Variants in SYNE1 observed in about 807,000 individuals in gnomAD.
The protein encoded by SYNE1 is nesprin-1.
A neutral mutation model predicts 1,111.0 loss-of-function variants in SYNE1; 616 were observed. The observed-to-expected ratio is 0.55, with a 90% confidence interval of 0.52 to 0.59. SYNE1 has a LOEUF of 0.59. SYNE1 is among the 20% of genes least tolerant of loss of function. The pLI, the probability that SYNE1 is intolerant of heterozygous loss-of-function variation, is 0.00. For missense variants in SYNE1, 10,006 were observed against 10,417.0 expected, an observed-to-expected ratio of 0.96 and a Z score of 1.72; for synonymous variants, 3,855 against 3,825.8, an observed-to-expected ratio of 1.01 and a Z score of -0.28.
intron 72 of SYNE1, among the ~76,000 whole-genome samples, chr6:152,347,469 T>A (rs2096657527): frequency 6.6e-6 from 1 of 152,184 alleles, no homozygotes; most frequent in South Asian, 2.1e-4. Context: ...TGAAGTAACC[T>A]TTAACACTAG....
At chr6:152,307,664 G>T (rs1396369695) in intron 91 of SYNE1, among the ~76,000 whole-genome samples, 4 of 152,166 alleles carry the variant, frequency 2.6e-5, no homozygotes, top group African/African-American at 9.7e-5. Context: ...AAGTCCTAAG[G>T]TCATAATGAT....
At chr6:152,350,881 A>C in intron 70 of SYNE1, 111 bp from the exon 71 acceptor site, 4 of 1,341,484 alleles carry the variant, frequency 3.0e-6, no homozygotes, top group Non-Finnish European at 4.2e-6. Context: ...AAGATTGTTC[A>C]TATTTATGAA....
intron 96 of SYNE1, among the ~76,000 whole-genome samples, chr6:152,283,648 T>G (rs1001568928): frequency 7.9e-5 from 12 of 152,206 alleles, no homozygotes; most frequent in Admixed American, 6.5e-5. Context: ...GTGATTCTCC[T>G]GTCTCAGCCT....
At chr6:152,490,610 C>A (rs902840025) in intron 11 of SYNE1, among the ~76,000 whole-genome samples, 1 of 152,148 alleles carries the variant, frequency 6.6e-6, no homozygotes, top group Non-Finnish European at 1.5e-5. Context: ...TTCCACTACC[C>A]TCCCAAATCC....
chr6:152,239,208 C>T (rs1467693850), intron 108 of SYNE1, among the ~76,000 whole-genome samples: 7 of 152,140 alleles, frequency 4.6e-5, no homozygotes, highest in South Asian at 2.1e-4. Context: ...TGAGCCACTG[C>T]ACCTGGCCTA....
intron 42 of SYNE1, 82 bp from the exon 43 acceptor site, chr6:152,409,791 C>CTT (rs200869234): frequency 0.019 from 28,039 of 1,455,478 alleles, 342 homozygotes; most frequent in Middle Eastern, 0.03. Flanking sequence ...CTTGATGTTT[C>CTT]ACTACGTAAA....
At chr6:152,598,020 C>T (rs983776653) in intron 3 of SYNE1, among the ~76,000 whole-genome samples, 5 of 151,960 alleles carry the variant, frequency 3.3e-5, no homozygotes, top group South Asian at 2.1e-4. Context: ...TACATTTAAA[C>T]GAGGTAAGAA....
chr6:152,155,462 G>A, intron 132 of SYNE1: 1 of 310,932 alleles, frequency 3.2e-6, no homozygotes, highest in Non-Finnish European at 6.2e-6. Flanking sequence ...ATCTATGACA[G>A]CAGGACAAAT....
At chr6:152,318,294 G>A (rs186298386) in intron 85 of SYNE1, 31 bp from the exon 86 acceptor site, 8 of 1,612,886 alleles carry the variant, frequency 5.0e-6, no homozygotes, top group Non-Finnish European at 6.8e-6. Flanking sequence ...AAGAACATTA[G>A]AGTACAGAAA....
Position 152,330,832 on chromosome 6 carries a change from A to C in SYNE1, c.13853T>G (p.Leu4618Arg). 1 of 1,614,086 alleles carries C rather than the reference A, an allele frequency of 6.2e-7. No individual in the cohort carries two copies. Among genetic ancestry groups the C allele is most frequent in the Non-Finnish European group, 8.5e-7 (1 of 1,180,028 alleles). Residue 4618 changes from leucine to arginine, a missense_variant, in exon 78 of 146, where the codon CTT becomes CGT. Leu to Arg is a moderately radical substitution (Grantham distance 102). This residue lies in a region of SYNE1 where 4,955 missense variants were observed against 5,017.2 expected (regional missense o/e 0.99). Transcript: ENST00000367255. ...ILEQSPEYEN[L>R]LLTLQRTGQT... ...CCCAGTTCTCTGCAGCGTAAGTAGAAGATTTTCATATTCTGGAGATTGTTC... is the reference window on the plus strand; with the variant it reads ...CCCAGTTCTCTGCAGCGTAAGTAGACGATTTTCATATTCTGGAGATTGTTC...
In SYNE1 at chr6:152,354,891, G is replaced by A. The variant is rs2096806790; in HGVS notation, c.10694C>T (p.Pro3565Leu). 2 of 1,614,132 alleles carry A rather than the reference G, an allele frequency of 1.2e-6. No individual in the cohort carries two copies. Among genetic ancestry groups the A allele is most frequent in the East Asian group, 2.2e-5 (1 of 44,876 alleles). The change falls in exon 67 of 146, where the codon CCA becomes CTA. Residue 3565 changes from proline (P) to leucine (L), a missense_variant. Pro to Leu is a moderately conservative substitution (Grantham distance 98). Around this residue, in one of 7 missense-constraint regions of SYNE1, gnomAD observed 4,955 missense variants for 5,017.2 expected, o/e 0.99. Coordinates refer to ENST00000367255, the MANE Select transcript of SYNE1 (RefSeq NM_182961.4). ...TREDVIPSGIPQAEDRALESL... is the reference protein window; with the variant it reads ...TREDVIPSGILQAEDRALESL... Reference sequence around the variant, plus strand: ...CTCTAAAGCCCGGTCCTCTGCCTGTGGGATACCTGATGGGATCACATCCTC... The same window carrying A: ...CTCTAAAGCCCGGTCCTCTGCCTGTAGGATACCTGATGGGATCACATCCTC...
intron 56 of SYNE1, chr6:152,380,726 A>G (rs1319170927): frequency 2.3e-6 from 1 of 429,642 alleles, no homozygotes; most frequent in Non-Finnish European, 4.3e-6. Flanking sequence ...GGCTGAATAC[A>G]GTATTACAGA....
chr6:152,465,766 TACACAC>T (rs71017538), intron 17 of SYNE1, among the ~76,000 whole-genome samples: 22 of 133,466 alleles, frequency 1.6e-4, no homozygotes, highest in South Asian at 1.0e-3. Context: ...GAAGAACACA[TACACAC>T]ACACACACAC....
At chr6:152,139,914 T>C in intron 140 of SYNE1, 36 bp downstream of exon 140, 2 of 594,456 alleles carry the variant, frequency 3.4e-6, no homozygotes, top group African/African-American at 5.9e-5. Flanking sequence ...GGTGGCTCTC[T>C]GTTTGTCCGC....
At chr6:152,224,385 A>T in intron 117 of SYNE1, 109 bp downstream of exon 117, 2 of 1,013,644 alleles carry the variant, frequency 2.0e-6, no homozygotes, top group Non-Finnish European at 1.5e-6. Flanking sequence ...AAAAATAATT[A>T]AACGTAAACA....
rs1347953816 is a variant in SYNE1 at position 152,136,759 on chromosome 6, G to A, written c.25518C>T (p.Ser8506=). The A allele has an allele frequency of 6.2e-7, 1 of 1,614,094 alleles. No homozygotes were observed. The highest frequency in any genetic ancestry group is 1.3e-5 in the African/African-American group (1 of 74,926). Residue 8506 remains serine, a synonymous_variant, in exon 141 of 146, where the codon AGC becomes AGT. Transcript: ENST00000367255. ...KAIILSINLC[S]PEFTQADSKE... is the part of the protein sequence containing the mutation. ...TGCTGTCAGCCTGGGTGAACTCAGG[G>A]CTGCAGAGATTGATGGAGAGGATGA...
Position 152,212,375 on chromosome 6 carries a change from G to A in SYNE1, c.22495-787C>T, listed in dbSNP as rs1294578894. Among the ~76,000 whole-genome samples, 13 of 152,212 alleles carry A rather than the reference G, an allele frequency of 8.5e-5. No individual in the cohort carries two copies. The East Asian group carries it at 1.3e-3, about 16-fold the overall frequency. Reference sequence around the variant, plus strand: ...ACATTTCTTGTAAATGGAATCTTGCGATATGTAGTCTTTTGTGACTGGTTT... The same window carrying A: ...ACATTTCTTGTAAATGGAATCTTGCAATATGTAGTCTTTTGTGACTGGTTT... On this transcript the variant is annotated intron_variant, in intron 123 of 145. Transcript: ENST00000367255.
rs794727990 is a variant in SYNE1 at position 152,284,038 on chromosome 6, G to A, written c.18147C>T (p.Val6049=). 1.2e-6 allele frequency: 2 copies of A among 1,614,238 alleles called. No individual in the cohort carries two copies. The highest frequency in any genetic ancestry group is 1.6e-4 in the Middle Eastern group (1 of 6,062). Residue 6049 remains valine (V), a synonymous_variant, in exon 96 of 146, where the codon GTC becomes GTT. Coordinates refer to ENST00000367255, the MANE Select transcript of SYNE1 (RefSeq NM_182961.4). ...TGATGGTGGACATTCGCTCGGCTAA[G>A]ACAGTGAGCGTGGACTGCAAGGCCA... ...EQLALQSTLT[V]LAERMSTIRM...
At position 152,221,577 on chromosome 6, in the gene SYNE1, C is replaced by A. The variant is rs191367384; in HGVS notation, c.21523-18G>T. On this transcript the variant is annotated intron_variant, in intron 117 of 145. Coordinates refer to ENST00000367255, the MANE Select transcript of SYNE1 (RefSeq NM_182961.4). ...TGGAGATTCTGCCCCAAAAAAAAGA[C>A]CCATAGATGACATAACAGGATCTAA... 5.4e-5 allele frequency: 87 copies of A among 1,613,418 alleles called. No individual in the cohort carries two copies. Among genetic ancestry groups the A allele is most frequent in the Admixed American group, 5.0e-4 (30 of 60,008 alleles).
Sources: allele counts gnomAD v4.1 joint callset (sites outside exome capture counted in the v4.1 genomes callset), GRCh38; gene constraint gnomAD v4.1.1; regional missense constraint gnomAD v4.1.1; transcripts MANE v1.5; gene names NCBI Gene and HGNC (gene_info 2026-07-23, HGNC 2026-07-21).